GUCY1A1: variants seen among roughly 807,000 people sequenced by gnomAD.
GUCY1A1 encodes the protein guanylate cyclase soluble subunit alpha-1.
A neutral mutation model predicts 64.5 loss-of-function variants in GUCY1A1; 48 were observed. The observed-to-expected ratio is 0.74, with a 90% CI of 0.59 to 0.95. The LOEUF (loss-of-function observed/expected upper bound fraction) is 0.95, where lower values mean the gene tolerates loss of function less well. Ranked by LOEUF, GUCY1A1 falls within the 40% of genes least tolerant of loss-of-function variation. The pLI, the probability that GUCY1A1 is intolerant of heterozygous loss-of-function variation, is 0.00. For synonymous variants in GUCY1A1, 308 were observed against 303.4 expected, an observed-to-expected ratio of 1.02 and a Z score of -0.16; for missense variants, 804 against 825.3, an observed-to-expected ratio of 0.97 and a Z score of 0.32.
At chr4:155,701,302 T>C (rs934141229) in intron 3 of GUCY1A1, among the ~76,000 whole-genome samples, 1 of 152,196 alleles carries the variant, frequency 6.6e-6, no homozygotes, top group Non-Finnish European at 1.5e-5. Context: ...CGGACTTTAT[T>C]CCTTTTTTTC....
Position 155,734,864 on chromosome 4 carries a change from G to A in GUCY1A1, c.*4633G>A, listed in dbSNP as rs1229593254. On this transcript the variant is annotated 3_prime_UTR_variant, in exon 10 of 10. Coordinates refer to ENST00000506455, the MANE Select transcript of GUCY1A1 (RefSeq NM_001130682.3). Reference sequence around the variant, plus strand: ...TGGTCTCTGTTATGATACTTTTCAAGACCTGGGAAATATTTGTATCCTTTA... The same window carrying A: ...TGGTCTCTGTTATGATACTTTTCAAAACCTGGGAAATATTTGTATCCTTTA... The A allele has an allele frequency of 6.6e-6, 1 of 151,936 alleles. No individual in the cohort carries two copies. The highest frequency in any genetic ancestry group is 1.9e-4 in the East Asian group (1 of 5,160). 9.4% of individuals were successfully genotyped at this position (151,936 alleles called of 1,614,324 possible). A position where few individuals can be genotyped will look rare whatever the true frequency, so the allele number is the denominator to read the frequency against.
intron 2 of GUCY1A1, among the ~76,000 whole-genome samples, chr4:155,686,498 C>T (rs1248020609): frequency 6.6e-6 from 1 of 152,136 alleles, no homozygotes; most frequent in East Asian, 1.9e-4. Context: ...AGAATTATCA[C>T]TGAATCCATA....
intron 2 of GUCY1A1, among the ~76,000 whole-genome samples, chr4:155,683,749 C>T (rs148352898): frequency 1.1e-4 from 16 of 152,256 alleles, no homozygotes; most frequent in South Asian, 8.3e-4. Context: ...GATATATAGA[C>T]GAAAGGTAAT....
intron 2 of GUCY1A1, among the ~76,000 whole-genome samples, chr4:155,673,568 A>G (rs904232281): frequency 6.6e-6 from 1 of 151,420 alleles, no homozygotes; most frequent in African/African-American, 2.5e-5. Context: ...TGTGGCAAAC[A>G]GTAGGAAGAG....
At chr4:155,704,474 A>G (rs1461214075) in intron 4 of GUCY1A1, among the ~76,000 whole-genome samples, 1 of 151,828 alleles carries the variant, frequency 6.6e-6, no homozygotes, top group Non-Finnish European at 1.5e-5. Flanking sequence ...ACATCTCAAC[A>G]ACATGTTAAT....
At chr4:155,679,592 C>T (rs1033226767) in intron 2 of GUCY1A1, among the ~76,000 whole-genome samples, 6 of 152,108 alleles carry the variant, frequency 3.9e-5, no homozygotes, top group East Asian at 1.9e-4. Context: ...CACTGGCTAT[C>T]GTGAGAACGG....
intron 9 of GUCY1A1, among the ~76,000 whole-genome samples, chr4:155,727,848 T>C (rs1734942490): frequency 6.6e-6 from 1 of 151,812 alleles, no homozygotes; most frequent in East Asian, 1.9e-4. Flanking sequence ...TGTTACACGC[T>C]CTGACACAAT....
intron 9 of GUCY1A1, among the ~76,000 whole-genome samples, chr4:155,728,842 G>T (rs1735123730): frequency 6.6e-6 from 1 of 151,788 alleles, no homozygotes; most frequent in South Asian, 2.1e-4. Context: ...GGACATCTGT[G>T]CTGCTAGAGC....
intron 9 of GUCY1A1, among the ~76,000 whole-genome samples, chr4:155,723,202 C>G (rs1734202294): frequency 6.6e-6 from 1 of 152,132 alleles, no homozygotes; most frequent in African/African-American, 2.4e-5. Context: ...AGGACAACAG[C>G]CAGTCAAATT....
intron 9 of GUCY1A1, among the ~76,000 whole-genome samples, chr4:155,724,676 C>A (rs943940062): frequency 6.6e-6 from 1 of 152,090 alleles, no homozygotes; most frequent in African/African-American, 2.4e-5. Flanking sequence ...TCTCTTGGTA[C>A]TCCTTCCCTA....
At chr4:155,687,683 G>A (rs1215661991) in intron 2 of GUCY1A1, among the ~76,000 whole-genome samples, 1 of 152,112 alleles carries the variant, frequency 6.6e-6, no homozygotes, top group East Asian at 1.9e-4. Flanking sequence ...TTCAGATGGA[G>A]AAAATTGAGG....
At chr4:155,673,681 G>A (rs754815708) in intron 2 of GUCY1A1, among the ~76,000 whole-genome samples, 6 of 151,298 alleles carry the variant, frequency 4.0e-5, no homozygotes, top group East Asian at 1.9e-4. Context: ...TGTGTGTGGC[G>A]GAACGGGTAA....
intron 4 of GUCY1A1, among the ~76,000 whole-genome samples, chr4:155,705,448 G>A (rs769344281): frequency 2.0e-5 from 3 of 150,012 alleles, no homozygotes; most frequent in South Asian, 2.1e-4. Context: ...AATCAGGCAG[G>A]AGAATGGCCT....
intron 2 of GUCY1A1, among the ~76,000 whole-genome samples, chr4:155,680,949 G>GCACA (rs763506810): frequency 3.2e-4 from 44 of 136,406 alleles, no homozygotes; most frequent in South Asian, 1.2e-3. Flanking sequence ...ACACACACAT[G>GCACA]CACACACACA....
At position 155,696,830 on chromosome 4, in the gene GUCY1A1, CAGG is replaced by C. The variant is rs1560933432; in HGVS notation, c.-32_-30del. ...GTCTCATATAAGAACTACAGCTCATCAGGAGGAGATCGCAGCAGGGTAAGAGAC... is the reference window on the plus strand; with the variant it reads ...GTCTCATATAAGAACTACAGCTCATCAGGAGATCGCAGCAGGGTAAGAGAC... On this transcript the variant is annotated 5_prime_UTR_variant, in exon 3 of 10. Coordinates refer to ENST00000506455, the MANE Select transcript of GUCY1A1 (RefSeq NM_001130682.3). 1.9e-6 allele frequency: 3 copies of C among 1,601,022 alleles called. No individual in the cohort carries two copies. Among genetic ancestry groups the C allele is most frequent in the Non-Finnish European group, 2.6e-6 (3 of 1,169,530 alleles).
chr4:155,713,993 TC>T (rs1180722120), intron 7 of GUCY1A1, among the ~76,000 whole-genome samples: 1 of 152,174 alleles, frequency 6.6e-6, no homozygotes, highest in African/African-American at 2.4e-5. Context: ...GGAAACATTA[TC>T]CTTTGTATCT....
intron 2 of GUCY1A1, among the ~76,000 whole-genome samples, chr4:155,694,127 G>T (rs1730119971): frequency 6.6e-6 from 1 of 152,018 alleles, no homozygotes; most frequent in African/African-American, 2.4e-5. Context: ...TGAAATAGTG[G>T]CATTCAGTTA....
intron 3 of GUCY1A1, among the ~76,000 whole-genome samples, chr4:155,700,699 G>A (rs757288830): frequency 5.3e-5 from 8 of 152,142 alleles, no homozygotes; most frequent in Non-Finnish European, 8.8e-5. Flanking sequence ...GAATCAGAAA[G>A]TCCACAATCT....
At chr4:155,716,163 A>T (rs1459706607) in intron 7 of GUCY1A1, among the ~76,000 whole-genome samples, 1 of 152,150 alleles carries the variant, frequency 6.6e-6, no homozygotes, top group Non-Finnish European at 1.5e-5. Flanking sequence ...GAATAAGAAG[A>T]TAAAGTCAGA....
Sources: allele counts gnomAD v4.1 joint callset (sites outside exome capture counted in the v4.1 genomes callset), GRCh38; gene constraint gnomAD v4.1.1; transcripts MANE v1.5; gene names NCBI Gene and HGNC (gene_info 2026-07-23, HGNC 2026-07-21).